Variants in DPF3 observed in about 807,000 individuals in gnomAD.
DPF3 encodes zinc finger protein DPF3.
DPF3 carries 18 observed loss-of-function variants against 56.8 expected under a neutral mutation model. The ratio of observed to expected loss-of-function variants is 0.32; its 90% CI spans 0.22 to 0.47. The LOEUF (loss-of-function observed/expected upper bound fraction) is 0.47, where lower values mean the gene tolerates loss of function less well. DPF3 is among the 20% of genes least tolerant of loss of function. The pLI, the probability that DPF3 is intolerant of heterozygous loss-of-function variation, is 1.00. For synonymous variants in DPF3, 188 were observed against 180.2 expected, an observed-to-expected ratio of 1.04 and a Z score of -0.35; for missense variants, 403 against 488.8, an observed-to-expected ratio of 0.82 and a Z score of 1.65.
rs1193969190 is a variant in DPF3 at position 72,618,231 on chromosome 14, G to T, written c.*1066C>A. On this transcript the variant is annotated 3_prime_UTR_variant, in exon 11 of 11. Transcript: ENST00000556509. ...CCCCCATCCTAAAATTCCCAGTCAG[G>T]TCTCAGTAGACAATAGCGAACAAAC... Among the ~76,000 whole-genome samples the T allele has an allele frequency of 6.6e-6, 1 of 152,162 alleles. No homozygotes were observed. Among genetic ancestry groups the T allele is most frequent in the Non-Finnish European group, 1.5e-5 (1 of 68,028 alleles).
chr14:72,723,853 G>A (rs1477318796), intron 4 of DPF3, 125 bp from the exon 5 acceptor site: 11 of 955,596 alleles, frequency 1.2e-5, no homozygotes, highest in Non-Finnish European at 1.7e-5. Context: ...CGCTGCCTTT[G>A]CTTGGGCAGT....
intron 1 of DPF3, among the ~76,000 whole-genome samples, chr14:72,866,662 G>C (rs1488116223): frequency 6.6e-6 from 1 of 150,476 alleles, no homozygotes; most frequent in Non-Finnish European, 1.5e-5. Context: ...TTTGAAACCA[G>C]CCTGACCAAC....
At chr14:72,701,635 G>A (rs1231089982) in intron 6 of DPF3, among the ~76,000 whole-genome samples, 1 of 152,178 alleles carries the variant, frequency 6.6e-6, no homozygotes, top group Non-Finnish European at 1.5e-5. Context: ...TTCCTGCCGG[G>A]GAGAAGCGGC....
At chr14:72,662,878 A>G (rs1886273954) in intron 8 of DPF3, 1 of 956,294 alleles carries the variant, frequency 1.0e-6, no homozygotes. Context: ...AAACAACAGC[A>G]TGGAACAACT....
intron 2 of DPF3, among the ~76,000 whole-genome samples, chr14:72,769,181 A>C (rs943797731): frequency 3.9e-5 from 6 of 152,190 alleles, no homozygotes; most frequent in African/African-American, 1.4e-4. Flanking sequence ...GTCACTGATA[A>C]GGCCTAGAAA....
intron 6 of DPF3, among the ~76,000 whole-genome samples, chr14:72,713,512 G>A (rs1168029360): frequency 1.3e-5 from 2 of 152,216 alleles, no homozygotes; most frequent in Admixed American, 1.3e-4. Flanking sequence ...CCAGGGTCCA[G>A]CCTCGACTGT....
chr14:72,801,021 A>G lies in DPF3; in HGVS notation c.33-29128T>C, dbSNP rs561303447. On this transcript the variant is annotated intron_variant, in intron 1 of 10. Coordinates refer to ENST00000556509, the MANE Select transcript of DPF3 (RefSeq NM_001280542.3). ...ACTCTCTGGGTAGCACTCACCCTGT[A>G]GTTGTGCTCCTCCCTCTCAAGCCAC... Among the ~76,000 whole-genome samples the G allele has an allele frequency of 2.0e-5, 3 of 152,330 alleles. No individual in the cohort carries two copies. The South Asian group carries it at 6.2e-4, about 32-fold the overall frequency.
intron 6 of DPF3, among the ~76,000 whole-genome samples, chr14:72,714,122 C>A (rs189832653): frequency 1.3e-5 from 2 of 152,140 alleles, no homozygotes; most frequent in Admixed American, 1.3e-4. Context: ...GGAGACAGAG[C>A]GCGTGAGAGA....
chr14:72,861,739 G>GAAAGAAAGAC (rs1442940130), intron 1 of DPF3, among the ~76,000 whole-genome samples: 5 of 91,788 alleles, frequency 5.4e-5, no homozygotes, highest in Non-Finnish European at 2.3e-5. Flanking sequence ...GAAAGAAAGA[G>GAAAGAAAGAC]AAAGAAAGAA....
At chr14:72,871,976 C>T (rs976712452) in intron 1 of DPF3, among the ~76,000 whole-genome samples, 6 of 152,250 alleles carry the variant, frequency 3.9e-5, no homozygotes, top group Non-Finnish European at 7.3e-5. Context: ...AAACTTTTGC[C>T]AGGGCATCCA....
chr14:72,850,867 T>C (rs949978114), intron 1 of DPF3, among the ~76,000 whole-genome samples: 2 of 152,126 alleles, frequency 1.3e-5, no homozygotes, highest in African/African-American at 4.8e-5. Context: ...ATGCATGTGC[T>C]TCTAGATTAA....
rs55820708 is a variant in DPF3 at position 72,624,333 on chromosome 14, C to CTTTTTTTTTTTTTTTTT, written c.985-4366_985-4350dup. On this transcript the variant is annotated intron_variant, in intron 9 of 10. Coordinates refer to ENST00000556509, the MANE Select transcript of DPF3 (RefSeq NM_001280542.3). ...TTCTCCAGTTTTCCCACCTATGTCTCTTTTTTTTTTTTTTTTTTTTTCTGA... is the reference window on the plus strand; with the variant it reads ...TTCTCCAGTTTTCCCACCTATGTCTCTTTTTTTTTTTTTTTTTTTTTTTTTTTTTTTTTTTTTTCTGA... Among the ~76,000 whole-genome samples, 13 of 97,792 alleles carry CTTTTTTTTTTTTTTTTT rather than the reference C, an allele frequency of 1.3e-4. 1 individual carries two copies. Among genetic ancestry groups the CTTTTTTTTTTTTTTTTT allele is most frequent in the African/African-American group, 4.6e-4 (12 of 25,808 alleles). 64.2% of individuals were successfully genotyped at this position (97,792 alleles called of 152,430 possible).
chr14:72,759,162 A>G (rs1381140191), intron 2 of DPF3, among the ~76,000 whole-genome samples: 1 of 152,256 alleles, frequency 6.6e-6, no homozygotes, highest in South Asian at 2.1e-4. Flanking sequence ...TGCAAGATGA[A>G]AATCATATCA....
chr14:72,628,818 A>G (rs1036942700), intron 9 of DPF3, among the ~76,000 whole-genome samples: 1 of 152,248 alleles, frequency 6.6e-6, no homozygotes, highest in African/African-American at 2.4e-5. Context: ...AAATACAGTC[A>G]TGAGAACTTG....
rs1051216221 is a variant in DPF3 at position 72,662,455 on chromosome 14, T to C, written c.871+11785A>G. 5.8e-5 allele frequency: 57 copies of C among 983,166 alleles called. No individual in the cohort carries two copies. In the African/African-American group the frequency reaches 9.8e-4, roughly 17 times the overall value. The allele number at this position is 983,166 out of a possible 1,614,324, so 60.9% of individuals were successfully genotyped here. A position where few individuals can be genotyped will look rare whatever the true frequency, so the allele number is the denominator to read the frequency against. On this transcript the variant is annotated intron_variant, in intron 8 of 10. Transcript: ENST00000556509. ...CTTTTAAATATTGAAATAAATAAAA[T>C]AGTTAACTCTTTTTTTCCATCAGTT... is the stretch of plus-strand genomic sequence containing the variant.
At chr14:72,729,422 G>A (rs1481287836) in intron 4 of DPF3, among the ~76,000 whole-genome samples, 1 of 152,144 alleles carries the variant, frequency 6.6e-6, no homozygotes, top group African/African-American at 2.4e-5. Flanking sequence ...AGTGGAGTGG[G>A]TGAGGAAAAG....
At chr14:72,842,247 T>C (rs1884574511) in intron 1 of DPF3, among the ~76,000 whole-genome samples, 1 of 152,094 alleles carries the variant, frequency 6.6e-6, no homozygotes, top group Admixed American at 6.6e-5. Context: ...GCAAGGTGTA[T>C]ATACTTAAGG....
chr14:72,732,341 G>A (rs1889694387), intron 3 of DPF3, among the ~76,000 whole-genome samples: 1 of 152,218 alleles, frequency 6.6e-6, no homozygotes, highest in African/African-American at 2.4e-5. Context: ...TCATTTGCGG[G>A]AAAGTGTTTC....
chr14:72,858,517 T>G (rs1885259990), intron 1 of DPF3, among the ~76,000 whole-genome samples: 1 of 152,264 alleles, frequency 6.6e-6, no homozygotes, highest in Non-Finnish European at 1.5e-5. Context: ...AGATGATTGA[T>G]GTCTTAGGGA....
Sources: allele counts gnomAD v4.1 joint callset (sites outside exome capture counted in the v4.1 genomes callset), GRCh38; gene constraint gnomAD v4.1.1; transcripts MANE v1.5; gene names NCBI Gene and HGNC (gene_info 2026-07-23, HGNC 2026-07-21).